NEO1: variants seen among roughly 807,000 people sequenced by gnomAD.
The protein encoded by NEO1 is neogenin 1.
Under a neutral mutation model 159.7 loss-of-function variants are expected in NEO1, and 63 were observed. The observed-to-expected ratio is 0.39, with a 90% CI of 0.32 to 0.49. NEO1 has a LOEUF of 0.49. Among genes scored for constraint, NEO1 ranks in the 20% least tolerant of loss-of-function variants. The pLI, the probability that NEO1 is intolerant of heterozygous loss-of-function variation, is 0.85. For synonymous variants in NEO1, 633 were observed against 662.0 expected, an observed-to-expected ratio of 0.96 and a Z score of 0.67; for missense variants, 1,615 against 1,831.0, an observed-to-expected ratio of 0.88 and a Z score of 2.15.
At chr15:73,266,569 T>A (rs2040910682) in intron 16 of NEO1, among the ~76,000 whole-genome samples, 158 bp downstream of exon 16, 1 of 152,132 alleles carries the variant, frequency 6.6e-6, no homozygotes, top group Admixed American at 6.5e-5. Flanking sequence ...GCATGGAAAG[T>A]TCTGTTAATT....
chr15:73,091,360 A>T (rs932100848), intron 1 of NEO1, among the ~76,000 whole-genome samples: 14 of 152,120 alleles, frequency 9.2e-5, no homozygotes, highest in Non-Finnish European at 2.9e-5. Flanking sequence ...TATACGTTTG[A>T]GGTGAAAATT....
chr15:73,114,216 T>C (rs1163600758), intron 1 of NEO1, among the ~76,000 whole-genome samples: 5 of 152,080 alleles, frequency 3.3e-5, no homozygotes, highest in Non-Finnish European at 7.4e-5. Flanking sequence ...GGGAATAGCT[T>C]GTGTGAAGAG....
chr15:73,091,339 C>T (rs569574890), intron 1 of NEO1, among the ~76,000 whole-genome samples: 2 of 152,164 alleles, frequency 1.3e-5, no homozygotes, highest in East Asian at 3.9e-4. Context: ...TATTACATTC[C>T]TGAAAAGCTA....
chr15:73,237,106 C>G (rs2039219985), intron 8 of NEO1, among the ~76,000 whole-genome samples: 1 of 151,874 alleles, frequency 6.6e-6, no homozygotes, highest in African/African-American at 2.4e-5. Flanking sequence ...TGAAACCAGT[C>G]TAATCACTAT....
At chr15:73,221,893 A>C (rs900343021) in intron 7 of NEO1, 1 of 154,550 alleles carries the variant, frequency 6.5e-6, no homozygotes, top group Non-Finnish European at 1.4e-5. Flanking sequence ...GAGTGAGGCA[A>C]TGCCTCACCC....
intron 5 of NEO1, among the ~76,000 whole-genome samples, chr15:73,170,176 G>A (rs964832192): frequency 1.8e-4 from 27 of 152,074 alleles, no homozygotes; most frequent in African/African-American, 6.3e-4. Context: ...AATGTACCTA[G>A]TGGGATTTAC....
At chr15:73,262,212 C>G (rs2040650002) in intron 15 of NEO1, among the ~76,000 whole-genome samples, 1 of 152,072 alleles carries the variant, frequency 6.6e-6, no homozygotes, top group Non-Finnish European at 1.5e-5. Flanking sequence ...AGGCAAGGAC[C>G]TCTTAGGTTG....
At chr15:73,126,761 A>G (rs984121835) in intron 4 of NEO1, 191 bp downstream of exon 4, 5 of 505,348 alleles carry the variant, frequency 9.9e-6, no homozygotes, top group Non-Finnish European at 1.3e-5. Context: ...GATACTTTCA[A>G]AATATTAAGA....
In NEO1 at chr15:73,052,687, G is replaced by T. The variant is rs866043452; in HGVS notation, c.12G>T (p.Glu4Asp). 7.4e-7 allele frequency: 1 copy of T among 1,357,030 alleles called. No homozygotes were observed. Among genetic ancestry groups the T allele is most frequent in the East Asian group, 3.3e-5 (1 of 30,010 alleles). The allele number at this position is 1,357,030 out of a possible 1,614,324, so 84.1% of individuals were successfully genotyped here. A position where few individuals can be genotyped will look rare whatever the true frequency, so the allele number is the denominator to read the frequency against. ...CTCTCGGGGAAGAGATGGCGGCGGAGCGGGGAGCCCGGCGACTCCTCAGCA... is the reference window on the plus strand; with the variant it reads ...CTCTCGGGGAAGAGATGGCGGCGGATCGGGGAGCCCGGCGACTCCTCAGCA... MAA[E>D]RGARRLLSTP... Residue 4 changes from glutamate to aspartate, a missense_variant, in exon 1 of 29, where the codon GAG becomes GAT. This residue lies in a region of NEO1 where 1,018 missense variants were observed against 1,115.4 expected (regional missense o/e 0.91). Coordinates refer to ENST00000261908, the MANE Select transcript of NEO1 (RefSeq NM_002499.4).
chr15:73,271,406 C>G lies in NEO1; in HGVS notation c.2857+952C>G, dbSNP rs912304938. On this transcript the variant is annotated intron_variant, in intron 18 of 28. Transcript: ENST00000261908. ...AGAGTTGAGTAAATTTAAGGATGTACTTAATTTGCTCATTTTCCTACTAGT... is the reference window on the plus strand; with the variant it reads ...AGAGTTGAGTAAATTTAAGGATGTAGTTAATTTGCTCATTTTCCTACTAGT... 3.9e-5 allele frequency among the ~76,000 whole-genome samples: 6 copies of G among 152,108 alleles called. No homozygotes were observed. The East Asian group carries it at 1.2e-3, about 29-fold the overall frequency.
At chr15:73,215,908 T>A (rs1178201985) in intron 7 of NEO1, among the ~76,000 whole-genome samples, 1 of 152,132 alleles carries the variant, frequency 6.6e-6, no homozygotes, top group Non-Finnish European at 1.5e-5. Context: ...AAATCTGTCT[T>A]GTCCTGGACA....
At chr15:73,254,597 A>G in intron 12 of NEO1, 85 bp from the exon 13 acceptor site, 1 of 1,392,934 alleles carries the variant, frequency 7.2e-7, no homozygotes, top group Non-Finnish European at 9.6e-7. Flanking sequence ...TTCTCTTTAA[A>G]CAGTAAAATC....
intron 5 of NEO1, among the ~76,000 whole-genome samples, chr15:73,174,521 C>A (rs760847566): frequency 5.9e-5 from 9 of 152,152 alleles, no homozygotes; most frequent in Non-Finnish European, 1.0e-4. Context: ...GAGAAACTTA[C>A]AGGAGGGTGA....
rs546603410 is a variant in NEO1 at position 73,129,690 on chromosome 15, A to G, written c.878+3120A>G. On this transcript the variant is annotated intron_variant, in intron 4 of 28. Coordinates refer to ENST00000261908, the MANE Select transcript of NEO1 (RefSeq NM_002499.4). ...GACAGAAAAATGTAATTTAGTAGTCAAATAATGTTATCTTTTAATGGAATG... is the reference window on the plus strand; with the variant it reads ...GACAGAAAAATGTAATTTAGTAGTCGAATAATGTTATCTTTTAATGGAATG... 2.6e-5 allele frequency among the ~76,000 whole-genome samples: 4 copies of G among 152,330 alleles called. No individual in the cohort carries two copies. In the East Asian group the frequency reaches 7.7e-4, roughly 29 times the overall value.
chr15:73,071,214 C>T (rs2068515219), intron 1 of NEO1, among the ~76,000 whole-genome samples: 1 of 152,106 alleles, frequency 6.6e-6, no homozygotes, highest in Admixed American at 6.5e-5. Context: ...TCCCAAAGTG[C>T]AGGCATGAAC....
chr15:73,241,730 A>T (rs1279333376), intron 8 of NEO1, among the ~76,000 whole-genome samples: 1 of 152,154 alleles, frequency 6.6e-6, no homozygotes, highest in African/African-American at 2.4e-5. Flanking sequence ...TTGTTGTTTC[A>T]AATGCTCCTT....
intron 1 of NEO1, among the ~76,000 whole-genome samples, chr15:73,053,020 T>G (rs2067531181): frequency 6.7e-6 from 1 of 150,212 alleles, no homozygotes; most frequent in East Asian, 2.0e-4. Context: ...GGGGGGCAGG[T>G]CGGGGGCGCA....
chr15:73,188,116 C>T (rs946632382), intron 7 of NEO1, among the ~76,000 whole-genome samples: 4 of 151,898 alleles, frequency 2.6e-5, no homozygotes, highest in Admixed American at 1.3e-4. Context: ...CTCTTAACTT[C>T]TGTCTGTCAT....
Position 73,278,147 on chromosome 15 carries a change from G to A in NEO1, c.3210G>A (p.Gly1070=). 2.5e-6 allele frequency: 4 copies of A among 1,612,982 alleles called. No individual in the cohort carries two copies. Among genetic ancestry groups the A allele is most frequent in the Non-Finnish European group, 3.4e-6 (4 of 1,179,136 alleles). ...MPNDQASGSG[G]KGSRLPDLGS... The stretch of plus-strand genomic sequence containing the variant: ...CTCCTTTAGCCTCAGGGTCTGGAGG[G>A]AAAGGAAGCCGGCTGCCAGACCTAG... The change falls in exon 22 of 29, where the codon GGG becomes GGA. Residue 1070 remains glycine, a synonymous_variant. Coordinates refer to ENST00000261908, the MANE Select transcript of NEO1 (RefSeq NM_002499.4).
Sources: gnomAD v4.1 joint callset for allele counts (sites outside exome capture counted in the v4.1 genomes callset) on GRCh38, gnomAD v4.1.1 for gene constraint, gnomAD v4.1.1 regional missense constraint, MANE v1.5 for transcripts, NCBI Gene and HGNC (gene_info 2026-07-23, HGNC 2026-07-21) for gene names.